The following PRTG variants were observed in gnomAD, a reference collection of about 807,000 sequenced individuals.
PRTG encodes the protein protogenin.
In PRTG, 67 loss-of-function variants were observed where a neutral mutation model predicts 122.5. That is an observed-to-expected ratio of 0.55 (90% CI 0.45 to 0.67). The LOEUF is 0.67. PRTG is among the 30% of genes least tolerant of loss of function. The pLI is 0.00. For missense variants in PRTG, 1,435 were observed against 1,415.4 expected, an observed-to-expected ratio of 1.01 and a Z score of -0.22; for synonymous variants, 554 against 501.1, an observed-to-expected ratio of 1.11 and a Z score of -1.41.
chr15:55,711,412 A>G (rs1173662248), intron 2 of PRTG, among the ~76,000 whole-genome samples: 1 of 152,122 alleles, frequency 6.6e-6, no homozygotes, highest in Non-Finnish European at 1.5e-5. Flanking sequence ...ATCATTGGAA[A>G]ACCAATGTAA....
At chr15:55,648,002 C>A (rs78176351) in intron 11 of PRTG, among the ~76,000 whole-genome samples, 2,316 of 152,344 alleles carry the variant, frequency 0.015, 58 homozygotes, top group African/African-American at 0.048. Flanking sequence ...AACCATGTCA[C>A]ATGGTATATA....
Position 55,627,044 on chromosome 15 carries a change from A to G in PRTG, c.2891T>C (p.Ile964Thr), listed in dbSNP as rs1225190368. The change falls in exon 17 of 20, where the codon ATC (isoleucine) becomes ACC (threonine). Residue 964 changes from isoleucine (I) to threonine (T), a missense_variant. Ile to Thr is a moderately conservative substitution (Grantham distance 89). Transcript: ENST00000389286. ...GVGIALTCIL[I>T]CVLILIYRSK... Reference sequence around the variant, plus strand: ...TCGGTATATCAAGATGAGAACACAGATGAGGATGCAGGTCAAGGCTATGCC... The same window carrying G: ...TCGGTATATCAAGATGAGAACACAGGTGAGGATGCAGGTCAAGGCTATGCC... 3 of 1,612,212 alleles carry G rather than the reference A, an allele frequency of 1.9e-6. No individual in the cohort carries two copies. The highest frequency in any genetic ancestry group is 2.5e-6 in the Non-Finnish European group (3 of 1,179,160).
intron 2 of PRTG, among the ~76,000 whole-genome samples, chr15:55,703,795 C>T (rs1223395026): frequency 6.6e-6 from 1 of 152,222 alleles, no homozygotes; most frequent in Non-Finnish European, 1.5e-5. Flanking sequence ...CTCCATATGG[C>T]ACTCTCATAA....
rs181857754 is a variant in PRTG, at chr15:55,616,833, G to C, written c.*3179C>G. 5 of 152,104 alleles carry C rather than the reference G, an allele frequency of 3.3e-5. No homozygotes were observed. The highest frequency in any genetic ancestry group is 7.2e-5 in the African/African-American group (3 of 41,502). The allele number at this position is 152,104 out of a possible 1,614,324, so 9.4% of individuals were successfully genotyped here. Reference sequence around the variant, plus strand: ...CCCTTTGATATTTTTTGCTACTAAAGCTAGATTCTCTATCGGCCTCTAAAT... The same window carrying C: ...CCCTTTGATATTTTTTGCTACTAAACCTAGATTCTCTATCGGCCTCTAAAT... On this transcript the variant is annotated 3_prime_UTR_variant, in exon 20 of 20. Coordinates refer to ENST00000389286, the MANE Select transcript of PRTG (RefSeq NM_173814.6).
At chr15:55,678,322 G>A (rs1288946211) in intron 7 of PRTG, among the ~76,000 whole-genome samples, 1 of 152,088 alleles carries the variant, frequency 6.6e-6, no homozygotes, top group African/African-American at 2.4e-5. Context: ...GCTCACTGCG[G>A]CCTCAAACTC....
In PRTG at chr15:55,731,443, T is replaced by G. The variant is rs1186346635; in HGVS notation, c.397+8939A>C. ...TGGAGTACAACGGCATGCTCTCGGCTCACTGCAACCTCTGCCTCTCAGGTT... is the reference window on the plus strand; with the variant it reads ...TGGAGTACAACGGCATGCTCTCGGCGCACTGCAACCTCTGCCTCTCAGGTT... On this transcript the variant is annotated intron_variant, in intron 2 of 19. Transcript: ENST00000389286. Among the ~76,000 whole-genome samples the G allele has an allele frequency of 2.1e-5, 3 of 146,046 alleles. No homozygotes were observed. In the Admixed American group the frequency reaches 2.1e-4, roughly 10 times the overall value.
intron 11 of PRTG, among the ~76,000 whole-genome samples, chr15:55,646,180 T>C (rs887520391): frequency 6.7e-6 from 1 of 149,856 alleles, no homozygotes; most frequent in Admixed American, 6.6e-5. Flanking sequence ...CTAGTTTTTT[T>C]TTTTTTTTTT....
At chr15:55,642,686 A>C (rs541070993) in intron 11 of PRTG, among the ~76,000 whole-genome samples, 17 of 152,266 alleles carry the variant, frequency 1.1e-4, no homozygotes, top group African/African-American at 3.8e-4. Context: ...AAATAAATTC[A>C]ACACTTCATA....
In PRTG at chr15:55,612,610, T is replaced by C. The variant is rs1596005646; in HGVS notation, c.*7402A>G. On this transcript the variant is annotated 3_prime_UTR_variant, in exon 20 of 20. Transcript: ENST00000389286. ...CTCCATAATCTTGAAAAAGATCTTT[T>C]AGAGAAAAATCCTAAATATGTACTT... The C allele has an allele frequency of 6.6e-6, 1 of 150,800 alleles. No individual in the cohort carries two copies. Among genetic ancestry groups the C allele is most frequent in the Non-Finnish European group, 1.5e-5 (1 of 67,764 alleles). 9.3% of individuals were successfully genotyped at this position (150,800 alleles called of 1,614,324 possible).
intron 7 of PRTG, among the ~76,000 whole-genome samples, chr15:55,678,854 G>A (rs147234979): frequency 2.6e-5 from 4 of 152,058 alleles, no homozygotes; most frequent in African/African-American, 9.7e-5. Flanking sequence ...ACAATAATTT[G>A]TATTTATGCT....
chr15:55,651,414 A>T (rs937933879), intron 11 of PRTG, among the ~76,000 whole-genome samples: 2 of 152,192 alleles, frequency 1.3e-5, no homozygotes, highest in African/African-American at 4.8e-5. Flanking sequence ...CCTTTTGATC[A>T]TTGCTTTACT....
At chr15:55,626,023 G>C (rs965953151) in intron 17 of PRTG, among the ~76,000 whole-genome samples, 1 of 152,134 alleles carries the variant, frequency 6.6e-6, no homozygotes, top group Non-Finnish European at 1.5e-5. Context: ...AAAGGTCTGG[G>C]ATTACCAAGG....
intron 11 of PRTG, among the ~76,000 whole-genome samples, chr15:55,659,781 T>C (rs1244710632): frequency 2.0e-5 from 3 of 151,738 alleles, no homozygotes; most frequent in Non-Finnish European, 4.4e-5. Context: ...TAGCTGGGCG[T>C]AGTGGTGCAC....
intron 11 of PRTG, among the ~76,000 whole-genome samples, chr15:55,653,153 G>T (rs2059362058): frequency 6.6e-6 from 1 of 152,136 alleles, no homozygotes; most frequent in African/African-American, 2.4e-5. Context: ...ATATATAGAA[G>T]ATTTGAGTAT....
chr15:55,646,992 A>T (rs1266092820), intron 11 of PRTG, among the ~76,000 whole-genome samples: 1 of 152,078 alleles, frequency 6.6e-6, no homozygotes, highest in African/African-American at 2.4e-5. Flanking sequence ...TTGGATTATT[A>T]GTCACATAAA....
At chr15:55,702,046 T>C (rs745866416) in intron 2 of PRTG, among the ~76,000 whole-genome samples, 2 of 152,194 alleles carry the variant, frequency 1.3e-5, no homozygotes, top group East Asian at 1.9e-4. Context: ...TTAAAATTCA[T>C]AGAACTATAG....
intron 2 of PRTG, among the ~76,000 whole-genome samples, chr15:55,711,208 C>G (rs2030374869): frequency 6.6e-6 from 1 of 151,938 alleles, no homozygotes; most frequent in Admixed American, 6.6e-5. Context: ...AGGCGTGAGC[C>G]ACTGCGTCCG....
Position 55,629,369 on chromosome 15 carries a change from ATATATATGTGTGTGTG to A in PRTG, c.2624-381_2624-366del, listed in dbSNP as rs1450310570. Among the ~76,000 whole-genome samples the A allele has an allele frequency of 5.1e-3, 177 of 34,390 alleles. 2 individuals carry two copies. In the East Asian group the frequency reaches 0.23, roughly 44 times the overall value. 22.6% of individuals were successfully genotyped at this position (34,390 alleles called of 152,430 possible). Reference sequence around the variant, plus strand: ...TTTTTGTTTGGCTTTGTATATATATATATATATGTGTGTGTGTGTGTGTGTGTGTGTGTGTGTGTGT... The same window carrying A: ...TTTTTGTTTGGCTTTGTATATATATATGTGTGTGTGTGTGTGTGTGTGTGT... On this transcript the variant is annotated intron_variant, in intron 15 of 19. Transcript: ENST00000389286.
chr15:55,646,002 T>C (rs1028965393), intron 11 of PRTG, among the ~76,000 whole-genome samples: 3 of 151,954 alleles, frequency 2.0e-5, no homozygotes, highest in Admixed American at 6.6e-5. Flanking sequence ...CCTCAATTTA[T>C]TATTTATTAT....
Sources: gnomAD v4.1 joint callset for allele counts (sites outside exome capture counted in the v4.1 genomes callset) on GRCh38, gnomAD v4.1.1 for gene constraint, MANE v1.5 for transcripts, NCBI Gene and HGNC (gene_info 2026-07-23, HGNC 2026-07-21) for gene names.